CYCS: variants seen among roughly 807,000 people sequenced by gnomAD.
The protein encoded by CYCS is cytochrome c, somatic, also known as cytochrome c.
For missense variants in CYCS, 87 were observed against 125.3 expected, an observed-to-expected ratio of 0.69 and a Z score of 1.46; for synonymous variants, 41 against 43.0, an observed-to-expected ratio of 0.95 and a Z score of 0.18.
rs1783405698 is a variant in CYCS, at chr7:25,124,145, A to C, written c.-8-18T>G. On this transcript the variant is annotated intron_variant, in intron 1 of 2. Coordinates refer to ENST00000305786, the MANE Select transcript of CYCS (RefSeq NM_018947.6). ...ATTTAATTCTAAAAACGAAAGCTTCAACTTAGTAAATTTTTCCTCAGGTAA... is the reference window on the plus strand; with the variant it reads ...ATTTAATTCTAAAAACGAAAGCTTCCACTTAGTAAATTTTTCCTCAGGTAA... 6.2e-7 allele frequency: 1 copy of C among 1,605,698 alleles called. No individual in the cohort carries two copies. Among genetic ancestry groups the C allele is most frequent in the African/African-American group, 1.3e-5 (1 of 74,824 alleles).
rs1783361224 is a variant in CYCS, at chr7:25,121,428, AGCT to A, written c.*2270_*2272del. 6.6e-6 allele frequency: 1 copy of A among 152,268 alleles called. No homozygotes were observed. The allele number at this position is 152,268 out of a possible 1,614,324, so 9.4% of individuals were successfully genotyped here. A position where few individuals can be genotyped will look rare whatever the true frequency, so the allele number is the denominator to read the frequency against. ...CGTGGTGGCGGGTGCCTGTAATCCCAGCTACTCAGGAGGCTGAGGCAGGAGAAT... is the reference window on the plus strand; with the variant it reads ...CGTGGTGGCGGGTGCCTGTAATCCCAACTCAGGAGGCTGAGGCAGGAGAAT... On this transcript the variant is annotated 3_prime_UTR_variant, in exon 3 of 3. Transcript: ENST00000305786.
In CYCS at chr7:25,120,492, T is replaced by C. The variant is rs1195979363; in HGVS notation, c.*3209A>G. 6.6e-6 allele frequency: 1 copy of C among 152,254 alleles called. No homozygotes were observed. The allele number at this position is 152,254 out of a possible 1,614,324, so 9.4% of individuals were successfully genotyped here. A position where few individuals can be genotyped will look rare whatever the true frequency, so the allele number is the denominator to read the frequency against. On this transcript the variant is annotated 3_prime_UTR_variant, in exon 3 of 3. Coordinates refer to ENST00000305786, the MANE Select transcript of CYCS (RefSeq NM_018947.6). ...AGTAGCCACTAGCCACTTGTGCCTA[T>C]GTAAATTTAAAATAAAATACTTTCT... is the stretch of plus-strand genomic sequence containing the variant.
In CYCS at chr7:25,122,501, G is replaced by A. The variant is rs1783379728; in HGVS notation, c.*1200C>T. On this transcript the variant is annotated 3_prime_UTR_variant, in exon 3 of 3. Transcript: ENST00000305786. Reference sequence around the variant, plus strand: ...AAAATCTCCAAGGACTACTCTAAATGTGTATGGCACAGACTATGCATGAAA... The same window carrying A: ...AAAATCTCCAAGGACTACTCTAAATATGTATGGCACAGACTATGCATGAAA... 2 of 152,176 alleles carry A rather than the reference G, an allele frequency of 1.3e-5. No individual in the cohort carries two copies. Among genetic ancestry groups the A allele is most frequent in the South Asian group, 4.1e-4 (2 of 4,834 alleles). 9.4% of individuals were successfully genotyped at this position (152,176 alleles called of 1,614,324 possible). A position where few individuals can be genotyped will look rare whatever the true frequency, so the allele number is the denominator to read the frequency against.
rs546183552 is a variant in CYCS at position 25,122,861 on chromosome 7, T to C, written c.*840A>G. ...TGGTTTTCTTTTTAATTATCTTTAG[T>C]CTTGTGATCACACATAATTTTAAAA... On this transcript the variant is annotated 3_prime_UTR_variant, in exon 3 of 3. Transcript: ENST00000305786. The C allele has an allele frequency of 3.9e-4, 59 of 152,368 alleles. No individual in the cohort carries two copies. Among genetic ancestry groups the C allele is most frequent in the Middle Eastern group, 3.4e-3 (1 of 294 alleles). 9.4% of individuals were successfully genotyped at this position (152,368 alleles called of 1,614,324 possible).
chr7:25,121,706 A>G lies in CYCS; in HGVS notation c.*1995T>C, dbSNP rs1174182522. ...CACTTTGGGGAGCCAAGGCAAGTGG[A>G]CGGATTGCTTGAGCTCAGGAGTTTG... is the stretch of plus-strand genomic sequence containing the variant. On this transcript the variant is annotated 3_prime_UTR_variant, in exon 3 of 3. Transcript: ENST00000305786. 1 of 152,198 alleles carries G rather than the reference A, an allele frequency of 6.6e-6. No homozygotes were observed. Among genetic ancestry groups the G allele is most frequent in the Non-Finnish European group, 1.5e-5 (1 of 68,084 alleles). The allele number at this position is 152,198 out of a possible 1,614,324, so 9.4% of individuals were successfully genotyped here.
At position 25,119,916 on chromosome 7, in the gene CYCS, G is replaced by A. The variant is rs1017491221; in HGVS notation, c.*3785C>T. On this transcript the variant is annotated 3_prime_UTR_variant, in exon 3 of 3. Transcript: ENST00000305786. Reference sequence around the variant, plus strand: ...TGTACATCTATAAAGGAATTCAAGAGAAGTGCAGGAAAAGGATGACAAAAG... The same window carrying A: ...TGTACATCTATAAAGGAATTCAAGAAAAGTGCAGGAAAAGGATGACAAAAG... Among the ~76,000 whole-genome samples, 3 of 152,282 alleles carry A rather than the reference G, an allele frequency of 2.0e-5. No homozygotes were observed. The highest frequency in any genetic ancestry group is 2.1e-4 in the South Asian group (1 of 4,830).
rs1167176334 is a variant in CYCS, at chr7:25,123,588, C to A, written c.*113G>T. On this transcript the variant is annotated 3_prime_UTR_variant, in exon 3 of 3. Coordinates refer to ENST00000305786, the MANE Select transcript of CYCS (RefSeq NM_018947.6). ...AATCAGGACTGCCCAACAAAATATTCTGTCAGTCATTCATGATCTGAATTC... is the reference window on the plus strand; with the variant it reads ...AATCAGGACTGCCCAACAAAATATTATGTCAGTCATTCATGATCTGAATTC... The A allele has an allele frequency of 1.9e-5, 18 of 949,462 alleles. No individual in the cohort carries two copies. In the East Asian group the frequency reaches 4.2e-4, roughly 22 times the overall value. The allele number at this position is 949,462 out of a possible 1,614,324, so 58.8% of individuals were successfully genotyped here.
In CYCS at chr7:25,118,868, CTT is replaced by C. The variant is rs756288301; in HGVS notation, c.*4831_*4832del. Among the ~76,000 whole-genome samples, 9 of 152,162 alleles carry C rather than the reference CTT, an allele frequency of 5.9e-5. No homozygotes were observed. The highest frequency in any genetic ancestry group is 1.3e-4 in the Non-Finnish European group (9 of 68,046). The stretch of plus-strand genomic sequence containing the variant: ...GACACATACAACCTGCACTTTTACT[CTT>C]TGAGAAATGAATGCAGTAAATTTAC... On this transcript the variant is annotated 3_prime_UTR_variant, in exon 3 of 3. Coordinates refer to ENST00000305786, the MANE Select transcript of CYCS (RefSeq NM_018947.6).
Position 25,122,266 on chromosome 7 carries a change from C to T in CYCS, c.*1435G>A, listed in dbSNP as rs1486351589. ...AATATGAATTACAGCAAGCTTTCCA[C>T]ATTTCTATAAATAAAAATAAGACTC... On this transcript the variant is annotated 3_prime_UTR_variant, in exon 3 of 3. Transcript: ENST00000305786. The T allele has an allele frequency of 3.3e-5, 5 of 152,208 alleles. No homozygotes were observed. The highest frequency in any genetic ancestry group is 2.6e-4 in the Admixed American group (4 of 15,278). 9.4% of individuals were successfully genotyped at this position (152,208 alleles called of 1,614,324 possible). A position where few individuals can be genotyped will look rare whatever the true frequency, so the allele number is the denominator to read the frequency against.
Position 25,119,878 on chromosome 7 carries a change from G to A in CYCS, c.*3823C>T, listed in dbSNP as rs1239075159. 6.6e-6 allele frequency among the ~76,000 whole-genome samples: 1 copy of A among 152,152 alleles called. No homozygotes were observed. The highest frequency in any genetic ancestry group is 6.5e-5 in the Admixed American group (1 of 15,276). ...TTATAATTTACAGCAATCTTCAGTG[G>A]TTAAAGCAAAACTGTACATCTATAA... On this transcript the variant is annotated 3_prime_UTR_variant, in exon 3 of 3. Coordinates refer to ENST00000305786, the MANE Select transcript of CYCS (RefSeq NM_018947.6).
At position 25,123,258 on chromosome 7, in the gene CYCS, T is replaced by G. The variant is rs1783390194; in HGVS notation, c.*443A>C. ...ACCTTATTTATCTTCAACCCTTGCC[T>G]TTAAGAGGCAAATGAACATGAACAC... On this transcript the variant is annotated 3_prime_UTR_variant, in exon 3 of 3. Coordinates refer to ENST00000305786, the MANE Select transcript of CYCS (RefSeq NM_018947.6). 3 of 199,686 alleles carry G rather than the reference T, an allele frequency of 1.5e-5. No homozygotes were observed. Among genetic ancestry groups the G allele is most frequent in the Non-Finnish European group, 3.1e-5 (3 of 96,064 alleles). The allele number at this position is 199,686 out of a possible 1,614,324, so 12.4% of individuals were successfully genotyped here.
Position 25,123,688 on chromosome 7 carries a change from C to G in CYCS, c.*13G>C, listed in dbSNP as rs749677906. 1 of 1,596,476 alleles carries G rather than the reference C, an allele frequency of 6.3e-7. No individual in the cohort carries two copies. The highest frequency in any genetic ancestry group is 8.5e-7 in the Non-Finnish European group (1 of 1,177,930). ...CATTTCTGTTTTGTAATAAATAAGG[C>G]AGTGGCCAATTATTACTCATTAGTA... On this transcript the variant is annotated 3_prime_UTR_variant, in exon 3 of 3. Transcript: ENST00000305786.
chr7:25,124,986 G>A (rs1204168079), intron 1 of CYCS: 3 of 152,542 alleles, frequency 2.0e-5, no homozygotes, highest in African/African-American at 7.2e-5. Flanking sequence ...GTCCCTGACC[G>A]AGACCATACC....
Position 25,125,255 on chromosome 7 carries a change from C to T in CYCS, c.-64G>A. On this transcript the variant is annotated 5_prime_UTR_variant, in exon 1 of 3. In the 5' UTR this introduces an upstream ATG that the reference lacks. Transcript: ENST00000305786. The stretch of plus-strand genomic sequence containing the variant: ...CCCGCTCCGAAGCCGGACGTCCCCA[C>T]TCTCTAAGTCCAAGGACACGCCGGT... The T allele has an allele frequency of 6.5e-6, 1 of 152,718 alleles. No individual in the cohort carries two copies. The highest frequency in any genetic ancestry group is 1.9e-4 in the East Asian group (1 of 5,194). The allele number at this position is 152,718 out of a possible 1,614,324, so 9.5% of individuals were successfully genotyped here.
Position 25,121,976 on chromosome 7 carries a change from T to G in CYCS, c.*1725A>C, listed in dbSNP as rs1034580583. On this transcript the variant is annotated 3_prime_UTR_variant, in exon 3 of 3. Coordinates refer to ENST00000305786, the MANE Select transcript of CYCS (RefSeq NM_018947.6). ...TAGCCAAGATGGAAGGTTGAACACA[T>G]TTCTGTATCTATCTTAATATGTTTC... The G allele has an allele frequency of 1.5e-5, 2 of 135,786 alleles. No individual in the cohort carries two copies. The highest frequency in any genetic ancestry group is 7.3e-5 in the Admixed American group (1 of 13,704). 8.4% of individuals were successfully genotyped at this position (135,786 alleles called of 1,614,324 possible).
rs191059342 is a variant in CYCS at position 25,124,480 on chromosome 7, C to T, written c.-8-353G>A. The stretch of plus-strand genomic sequence containing the variant: ...ACACATTAAGCCAAAATCACCACAA[C>T]CGCAACTTTTAAAAAGACCTAACCA... On this transcript the variant is annotated intron_variant, in intron 1 of 2. Transcript: ENST00000305786. Among the ~76,000 whole-genome samples, 237 of 152,320 alleles carry T rather than the reference C, an allele frequency of 1.6e-3. 1 individual carries two copies. The highest frequency in any genetic ancestry group is 5.4e-3 in the African/African-American group (226 of 41,572).
Position 25,119,676 on chromosome 7 carries a change from G to A in CYCS, c.*4025C>T, listed in dbSNP as rs1420571828. Among the ~76,000 whole-genome samples, 2 of 151,998 alleles carry A rather than the reference G, an allele frequency of 1.3e-5. No individual in the cohort carries two copies. Reference sequence around the variant, plus strand: ...GCTACACTGCAGCCTCGAACTTCTGGGCACAAGCAGTCCTCCTGCCTCAGA... The same window carrying A: ...GCTACACTGCAGCCTCGAACTTCTGAGCACAAGCAGTCCTCCTGCCTCAGA... On this transcript the variant is annotated 3_prime_UTR_variant, in exon 3 of 3. Transcript: ENST00000305786.
At position 25,121,235 on chromosome 7, in the gene CYCS, T is replaced by C. The variant is rs1783358016; in HGVS notation, c.*2466A>G. The stretch of plus-strand genomic sequence containing the variant: ...TCATCTGTGCCAACACAGACCTTAA[T>C]ATAGGAGGCATAGAAATGAGAAAAA... On this transcript the variant is annotated 3_prime_UTR_variant, in exon 3 of 3. Transcript: ENST00000305786. 1 of 151,544 alleles carries C rather than the reference T, an allele frequency of 6.6e-6. No homozygotes were observed. Among genetic ancestry groups the C allele is most frequent in the Non-Finnish European group, 1.5e-5 (1 of 67,924 alleles). 9.4% of individuals were successfully genotyped at this position (151,544 alleles called of 1,614,324 possible).
At chr7:25,124,405 A>G (rs1157710800) in intron 1 of CYCS, among the ~76,000 whole-genome samples, 1 of 152,236 alleles carries the variant, frequency 6.6e-6, no homozygotes, top group African/African-American at 2.4e-5. Context: ...CTCCAGTTTC[A>G]GAAGAGACAA....
Sources: allele counts gnomAD v4.1 joint callset (sites outside exome capture counted in the v4.1 genomes callset), GRCh38; gene constraint gnomAD v4.1.1; transcripts MANE v1.5; gene names NCBI Gene and HGNC (gene_info 2026-07-23, HGNC 2026-07-21).